The following DPYD variants were observed in gnomAD, a reference collection of about 807,000 sequenced individuals.
The protein encoded by DPYD is dihydropyrimidine dehydrogenase [NADP(+)].
A neutral mutation model predicts 116.2 loss-of-function variants in DPYD; 109 were observed. The ratio of observed to expected loss-of-function variants is 0.94; its 90% CI spans 0.80 to 1.10. DPYD has a LOEUF of 1.10. Among genes scored for constraint, DPYD ranks in the 50% least tolerant of loss-of-function variants. DPYD has a pLI of 0.00. For missense variants in DPYD, 1,302 were observed against 1,254.5 expected (o/e 1.04, Z -0.57); for synonymous variants, 440 against 432.0 (o/e 1.02, Z -0.23).
chr1:97,084,667 T>TA lies in DPYD; in HGVS notation c.2767-2198dup, dbSNP rs1305435678. ...GTGACTGAGATTTAAAGTACCCAATTAAGTAAATGATGAAGCAGGGATTGA... is the reference window on the plus strand; with the variant it reads ...GTGACTGAGATTTAAAGTACCCAATTAAAGTAAATGATGAAGCAGGGATTGA... On this transcript the variant is annotated intron_variant, in intron 21 of 22. Transcript: ENST00000370192. 2.6e-5 allele frequency among the ~76,000 whole-genome samples: 4 copies of TA among 152,276 alleles called. No homozygotes were observed. The East Asian group carries it at 7.7e-4, about 29-fold the overall frequency.
At chr1:97,337,621 A>AGG (rs898364953) in intron 16 of DPYD, among the ~76,000 whole-genome samples, 1 of 150,416 alleles carries the variant, frequency 6.6e-6, no homozygotes, top group Admixed American at 6.7e-5. Flanking sequence ...AGAAACTACC[A>AGG]GGGCTAAGTT....
At chr1:97,313,622 A>G (rs1011447915) in intron 16 of DPYD, among the ~76,000 whole-genome samples, 7 of 151,412 alleles carry the variant, frequency 4.6e-5, no homozygotes, top group African/African-American at 1.7e-4. Flanking sequence ...TCTCATTTCA[A>G]GTTTTTTCTT....
chr1:97,650,147 C>T (rs2100839584), intron 8 of DPYD, among the ~76,000 whole-genome samples: 1 of 152,160 alleles, frequency 6.6e-6, no homozygotes, highest in African/African-American at 2.4e-5. Context: ...CTCATAGCCC[C>T]TTACATTTCT....
At chr1:97,652,365 C>T (rs762991445) in intron 8 of DPYD, among the ~76,000 whole-genome samples, 4 of 151,932 alleles carry the variant, frequency 2.6e-5, no homozygotes, top group African/African-American at 4.8e-5. Context: ...GAAATGGCCA[C>T]GCAATTGAAT....
At chr1:97,533,063 T>A (rs1032494740) in intron 12 of DPYD, among the ~76,000 whole-genome samples, 16 of 152,174 alleles carry the variant, frequency 1.1e-4, no homozygotes, top group African/African-American at 3.4e-4. Context: ...AGTTTTTTTT[T>A]ATTAGTCTTT....
intron 7 of DPYD, among the ~76,000 whole-genome samples, chr1:97,687,008 T>G (rs1371705346): frequency 6.6e-6 from 1 of 152,010 alleles, no homozygotes; most frequent in Non-Finnish European, 1.5e-5. Context: ...CGGTGGCTCA[T>G]GTCTGTAATC....
At chr1:97,556,826 G>A (rs1267856525) in intron 11 of DPYD, among the ~76,000 whole-genome samples, 1 of 151,342 alleles carries the variant, frequency 6.6e-6, no homozygotes, top group Non-Finnish European at 1.5e-5. Flanking sequence ...ACATGTGCAT[G>A]TGTCTTTATA....
At chr1:97,769,226 C>G (rs1571327566) in intron 3 of DPYD, among the ~76,000 whole-genome samples, 1 of 152,036 alleles carries the variant, frequency 6.6e-6, no homozygotes, top group African/African-American at 2.4e-5. Flanking sequence ...ATAAAGTATT[C>G]TTTGGCATAA....
At chr1:97,335,299 TACACACACACACACACACACAC>T (rs35371362) in intron 16 of DPYD, among the ~76,000 whole-genome samples, 3 of 136,228 alleles carry the variant, frequency 2.2e-5, no homozygotes, top group Non-Finnish European at 3.1e-5. Context: ...TGGAGTTAAG[TACACACACACACACACACACAC>T]ACACACACAC....
chr1:97,860,930 G>A (rs1263656396), intron 2 of DPYD, among the ~76,000 whole-genome samples: 1 of 151,912 alleles, frequency 6.6e-6, no homozygotes, highest in East Asian at 1.9e-4. Context: ...ATTTTTTAAG[G>A]TTTATATATC....
At chr1:97,465,007 G>GCT (rs1677237217) in intron 13 of DPYD, among the ~76,000 whole-genome samples, 1 of 152,208 alleles carries the variant, frequency 6.6e-6, no homozygotes, top group East Asian at 1.9e-4. Flanking sequence ...ACCCTGCAAA[G>GCT]CCACAGGATG....
At chr1:97,394,187 T>A (rs995978047) in intron 14 of DPYD, 12 of 152,252 alleles carry the variant, frequency 7.9e-5, no homozygotes, top group African/African-American at 2.4e-4. Flanking sequence ...AGATTCTGGA[T>A]ATTAGCCCTT....
At chr1:97,808,186 T>C (rs549651075) in intron 3 of DPYD, among the ~76,000 whole-genome samples, 1 of 152,282 alleles carries the variant, frequency 6.6e-6, no homozygotes, top group East Asian at 1.9e-4. Flanking sequence ...ACACTGAATC[T>C]GTGGAACAAT....
intron 8 of DPYD, among the ~76,000 whole-genome samples, chr1:97,598,430 A>G (rs895710612): frequency 1.3e-5 from 2 of 152,244 alleles, no homozygotes; most frequent in African/African-American, 4.8e-5. Context: ...TTTGACAAAC[A>G]AAACAGTTCA....
intron 3 of DPYD, among the ~76,000 whole-genome samples, chr1:97,763,333 A>G (rs1665678007): frequency 6.6e-6 from 1 of 152,048 alleles, no homozygotes; most frequent in Non-Finnish European, 1.5e-5. Flanking sequence ...AGTCTAATTT[A>G]TCTTCCACTC....
intron 3 of DPYD, among the ~76,000 whole-genome samples, chr1:97,785,681 C>CTTTTT (rs35229030): frequency 1.3e-4 from 8 of 62,546 alleles, no homozygotes; most frequent in Admixed American, 3.3e-4. Flanking sequence ...GCCACTGACT[C>CTTTTT]TTTTTTTTTT....
chr1:97,557,905 T>C (rs1178769458), intron 11 of DPYD, among the ~76,000 whole-genome samples: 2 of 152,200 alleles, frequency 1.3e-5, no homozygotes, highest in African/African-American at 2.4e-5. Flanking sequence ...TGAAGGTGGA[T>C]ATTATCATCC....
chr1:97,738,189 A>G (rs1664069862), intron 4 of DPYD, among the ~76,000 whole-genome samples: 1 of 152,194 alleles, frequency 6.6e-6, no homozygotes, highest in South Asian at 2.1e-4. Flanking sequence ...GCATTCTCAT[A>G]TAAAGTAGTG....
rs1425552258 is a variant in DPYD at position 97,305,296 on chromosome 1, C to T, written c.2262G>A (p.Val754=). The T allele has an allele frequency of 2.9e-5, 47 of 1,612,338 alleles. No homozygotes were observed. The highest frequency in any genetic ancestry group is 3.7e-5 in the Non-Finnish European group (44 of 1,178,976). Residue 754 remains valine, a synonymous_variant, in exon 18 of 23, where the codon GTG becomes GTA. Coordinates refer to ENST00000370192, the MANE Select transcript of DPYD (RefSeq NM_000110.4). ...LKSDGTPWPA[V]GIAKRTTYGG... ...CATATGTAGTTCGCTTTGCAATCCCCACTGCTGGCCAAGGTGTGCCATCAG... is the reference window on the plus strand; with the variant it reads ...CATATGTAGTTCGCTTTGCAATCCCTACTGCTGGCCAAGGTGTGCCATCAG...
Sources: allele counts gnomAD v4.1 joint callset (sites outside exome capture counted in the v4.1 genomes callset), GRCh38; gene constraint gnomAD v4.1.1; transcripts MANE v1.5; gene names NCBI Gene and HGNC (gene_info 2026-07-23, HGNC 2026-07-21).